NPAT: variants seen among roughly 807,000 people sequenced by gnomAD.
NPAT encodes protein NPAT.
NPAT carries 52 observed loss-of-function variants against 130.7 expected under a neutral mutation model. The ratio of observed to expected loss-of-function variants is 0.40; its 90% CI spans 0.32 to 0.50. NPAT has a LOEUF of 0.50. NPAT is among the 20% of genes least tolerant of loss of function. The pLI, the probability that NPAT is intolerant of heterozygous loss-of-function variation, is 0.68. For missense variants in NPAT, 1,687 were observed against 1,662.6 expected (o/e 1.01, Z -0.26); for synonymous variants, 580 against 584.8 (o/e 0.99, Z 0.12).
chr11:108,198,512 C>CAG (rs59478102), intron 1 of NPAT, among the ~76,000 whole-genome samples: 81,923 of 151,698 alleles, frequency 0.54, 22,642 homozygotes, highest in Middle Eastern at 0.74. Flanking sequence ...CCCAAGCAGA[C>CAG]GGGTAGGGTA....
chr11:108,215,302 A>T (rs1298516485), intron 1 of NPAT, among the ~76,000 whole-genome samples: 1 of 152,172 alleles, frequency 6.6e-6, no homozygotes, highest in Non-Finnish European at 1.5e-5. Flanking sequence ...TAGCTACTGA[A>T]ATTATAAGTG....
At chr11:108,191,764 T>C in intron 4 of NPAT, among the ~76,000 whole-genome samples, 1 of 152,186 alleles carries the variant, frequency 6.6e-6, no homozygotes, top group Admixed American at 6.5e-5. Flanking sequence ...TGGGCATGGG[T>C]TCAACGCATC....
At position 108,189,114 on chromosome 11, in the gene NPAT, G is replaced by T. The variant is rs1467395271; in HGVS notation, c.548C>A (p.Thr183Asn). Residue 183 changes from threonine to asparagine, a missense_variant, in exon 6 of 18, where the codon ACT (threonine) becomes AAT (asparagine). Around this residue, in one of 3 missense-constraint regions of NPAT, gnomAD observed 307 missense variants for 298.9 expected, o/e 1.03. Coordinates refer to ENST00000278612, the MANE Select transcript of NPAT (RefSeq NM_002519.3). Reference protein sequence around the residue: ...VVVNHSQSQDTVTTGEALNVI... With the variant: ...VVVNHSQSQDNVTTGEALNVI... The stretch of plus-strand genomic sequence containing the variant: ...ACAAAATGTAAACTTACTGGTTACA[G>T]TATCTTGTGACTGTGAGTGGTTGAC... The T allele has an allele frequency of 5.6e-6, 9 of 1,612,880 alleles. No individual in the cohort carries two copies. The highest frequency in any genetic ancestry group is 7.6e-6 in the Non-Finnish European group (9 of 1,179,078).
intron 10 of NPAT, among the ~76,000 whole-genome samples, chr11:108,179,180 T>C (rs1239968911): frequency 2.0e-5 from 3 of 152,234 alleles, no homozygotes; most frequent in African/African-American, 7.2e-5. Flanking sequence ...ACATGCGAAA[T>C]AATGAAGTTG....
intron 10 of NPAT, among the ~76,000 whole-genome samples, chr11:108,182,543 G>A (rs778483993): frequency 6.6e-6 from 1 of 152,180 alleles, no homozygotes; most frequent in Non-Finnish European, 1.5e-5. Context: ...TGTCGCCTAC[G>A]CTGGAGTGCA....
At chr11:108,188,992 T>A (rs1164577472) in intron 6 of NPAT, 114 bp downstream of exon 6, 4 of 831,638 alleles carry the variant, frequency 4.8e-6, no homozygotes, top group Non-Finnish European at 8.0e-6. Flanking sequence ...GTCTCTCTCA[T>A]CTTTTATGGG....
chr11:108,158,597 T>C lies in NPAT; in HGVS notation c.*345A>G, dbSNP rs1156849637. On this transcript the variant is annotated 3_prime_UTR_variant, in exon 18 of 18. Coordinates refer to ENST00000278612, the MANE Select transcript of NPAT (RefSeq NM_002519.3). ...GAGTAAGTCTCAGAATTAGGGATCA[T>C]AAGAAGTCAAAAAACACAGTGTAAG... 5.4e-6 allele frequency: 1 copy of C among 185,904 alleles called. No homozygotes were observed. Among genetic ancestry groups the C allele is most frequent in the African/African-American group, 2.4e-5 (1 of 41,836 alleles). 11.5% of individuals were successfully genotyped at this position (185,904 alleles called of 1,614,324 possible).
chr11:108,197,402 T>C lies in NPAT; in HGVS notation c.56A>G (p.Asn19Ser). ...AAAAGTCTGGCAGGTAGAAATGAGG[T>C]TTTCTTGCTGTAAGTAACCTAAATA... ...RLVLGYLQQE[N>S]LISTCQTFIL... Residue 19 changes from asparagine (N) to serine (S), a missense_variant, in exon 2 of 18, where the codon AAC (asparagine) becomes AGC (serine). By Grantham distance (46) the Asn-to-Ser change is conservative. This residue lies in a region of NPAT where 307 missense variants were observed against 298.9 expected (regional missense o/e 1.03). Coordinates refer to ENST00000278612, the MANE Select transcript of NPAT (RefSeq NM_002519.3). The C allele has an allele frequency of 6.2e-7, 1 of 1,607,962 alleles. No individual in the cohort carries two copies. Among genetic ancestry groups the C allele is most frequent in the Non-Finnish European group, 8.5e-7 (1 of 1,174,504 alleles).
intron 1 of NPAT, 44 bp downstream of exon 1, chr11:108,222,456 G>A: frequency 1.2e-6 from 2 of 1,608,138 alleles, no homozygotes; most frequent in East Asian, 2.2e-5. Flanking sequence ...CTTCTGTCCA[G>A]CATAGCCGGG....
chr11:108,198,343 T>C (rs1314617593), intron 1 of NPAT, among the ~76,000 whole-genome samples: 1 of 152,158 alleles, frequency 6.6e-6, no homozygotes, highest in Non-Finnish European at 1.5e-5. Flanking sequence ...AAAATCTGCC[T>C]AGGGAAATCC....
intron 1 of NPAT, among the ~76,000 whole-genome samples, 191 bp downstream of exon 1, chr11:108,222,309 G>A (rs746354082): frequency 5.0e-4 from 76 of 152,128 alleles, no homozygotes; most frequent in South Asian, 1.4e-3. Context: ...CTGAAGAGAG[G>A]AGCATCTACA....
intron 1 of NPAT, among the ~76,000 whole-genome samples, chr11:108,220,099 T>G (rs549311578): frequency 3.3e-5 from 5 of 152,314 alleles, no homozygotes; most frequent in African/African-American, 1.2e-4. Flanking sequence ...GTAGGTAGGA[T>G]CAGTTCCACA....
At position 108,170,144 on chromosome 11, in the gene NPAT, TC is replaced by T. The variant is rs1454358478; in HGVS notation, c.2786-102del. ...AATTAATTACTGCTTTGAAATAAAT[TC>T]TATGAACAATCCCTCTTCCTTACGA... On this transcript the variant is annotated intron_variant, in intron 13 of 17. Coordinates refer to ENST00000278612, the MANE Select transcript of NPAT (RefSeq NM_002519.3). The T allele has an allele frequency of 9.1e-6, 7 of 768,264 alleles. No individual in the cohort carries two copies. In the East Asian group the frequency reaches 1.6e-4, roughly 17 times the overall value. The allele number at this position is 768,264 out of a possible 1,614,324, so 47.6% of individuals were successfully genotyped here.
At position 108,191,174 on chromosome 11, in the gene NPAT, G is replaced by C. The variant is rs371122907; in HGVS notation, c.291-674C>G. 3.3e-5 allele frequency among the ~76,000 whole-genome samples: 5 copies of C among 152,174 alleles called. No individual in the cohort carries two copies. The South Asian group carries it at 1.0e-3, about 32-fold the overall frequency. ...TTTTTTATTATCTTTCACAATTATA[G>C]AGATGCCTTCCCACAGAGAAATTCT... On this transcript the variant is annotated intron_variant, in intron 4 of 17. Transcript: ENST00000278612.
In NPAT at chr11:108,162,133, A is replaced by G; in HGVS notation, c.3058T>C (p.Cys1020Arg). 6.2e-7 allele frequency: 1 copy of G among 1,614,062 alleles called. No homozygotes were observed. The highest frequency in any genetic ancestry group is 8.5e-7 in the Non-Finnish European group (1 of 1,179,912). Reference sequence around the variant, plus strand: ...CTTTATACTCACTTTTGTGCATGACATCCAACTGAATGACCTGACGAATCC... The same window carrying G: ...CTTTATACTCACTTTTGTGCATGACGTCCAACTGAATGACCTGACGAATCC... ...LVDSSGHSVG[C>R]HAQKTEVSDK... The change falls in exon 16 of 18, where the codon TGT (cysteine) becomes CGT (arginine). Residue 1020 changes from cysteine (C) to arginine (R), a missense_variant. Physicochemically the swap from Cys to Arg is radical, Grantham distance 180. Transcript: ENST00000278612.
intron 15 of NPAT, among the ~76,000 whole-genome samples, chr11:108,168,705 C>T (rs7107430): frequency 0.03 from 4,583 of 152,128 alleles, 246 homozygotes; most frequent in African/African-American, 0.1. Context: ...AAGTTAATTT[C>T]GAAGGATAAA....
At chr11:108,166,826 A>C (rs2077906681) in intron 15 of NPAT, among the ~76,000 whole-genome samples, 1 of 152,180 alleles carries the variant, frequency 6.6e-6, no homozygotes, top group Non-Finnish European at 1.5e-5. Context: ...GGGATTTTTA[A>C]GGAAAATTAC....
chr11:108,173,877 G>T, intron 12 of NPAT, 26 bp from the exon 13 acceptor site: 2 of 1,596,296 alleles, frequency 1.3e-6, no homozygotes, highest in Non-Finnish European at 8.6e-7. Flanking sequence ...CAGGTAGACA[G>T]ATATGGTAAA....
At chr11:108,165,633 A>ATT (rs745405506) in intron 15 of NPAT, among the ~76,000 whole-genome samples, 1 of 128,520 alleles carries the variant, frequency 7.8e-6, no homozygotes. Flanking sequence ...CCTGGCTAAT[A>ATT]TTTTTTTTTT....
Sources: gnomAD v4.1 joint callset for allele counts (sites outside exome capture counted in the v4.1 genomes callset) on GRCh38, gnomAD v4.1.1 for gene constraint, gnomAD v4.1.1 regional missense constraint, MANE v1.5 for transcripts, NCBI Gene and HGNC (gene_info 2026-07-23, HGNC 2026-07-21) for gene names.